The following BRIP1 variants were observed in gnomAD, a reference collection of about 807,000 sequenced individuals.
The protein encoded by BRIP1 is BRCA1 interacting DNA helicase 1, also known as Fanconi anemia group J protein.
BRIP1 carries 88 observed loss-of-function variants against 119.7 expected under a neutral mutation model. The ratio of observed to expected loss-of-function variants is 0.74; its 90% confidence interval spans 0.62 to 0.88. The LOEUF is 0.88. BRIP1 is among the 40% of genes least tolerant of loss of function. The pLI is 0.00. For synonymous variants in BRIP1, 443 were observed against 496.5 expected (o/e 0.89, Z 1.43); for missense variants, 1,259 against 1,455.4 (o/e 0.87, Z 2.20).
At chr17:61,790,940 T>C (rs2077807071) in intron 10 of BRIP1, among the ~76,000 whole-genome samples, 1 of 152,144 alleles carries the variant, frequency 6.6e-6, no homozygotes, top group African/African-American at 2.4e-5. Context: ...TTTACTGTTA[T>C]ATAAGTAGCT....
chr17:61,786,325 G>A (rs2077706617), intron 10 of BRIP1, among the ~76,000 whole-genome samples: 1 of 151,944 alleles, frequency 6.6e-6, no homozygotes, highest in Non-Finnish European at 1.5e-5. Flanking sequence ...CTCCAAAGAA[G>A]CAGAACCCAC....
At position 61,703,487 on chromosome 17, in the gene BRIP1, G is replaced by T. The variant is rs2061647689; in HGVS notation, c.2493-9975C>A. ...TCATGTCCTTTGGCCACTTTTTAAT[G>T]GGGTTGTTTTTTGCTTGTCAATTTA... On this transcript the variant is annotated intron_variant, in intron 17 of 19. Transcript: ENST00000259008. This position sits in a 1 kb window ranked among gnomAD's most constrained non-coding sequence, Gnocchi z 5.0. Among the ~76,000 whole-genome samples, 1 of 152,134 alleles carries T rather than the reference G, an allele frequency of 6.6e-6. No homozygotes were observed.
chr17:61,834,664 T>C lies in BRIP1; in HGVS notation c.627+12437A>G, dbSNP rs1423189922. On this transcript the variant is annotated intron_variant, in intron 6 of 19. Transcript: ENST00000259008. The surrounding 1 kb of genome is among the most constrained non-coding windows in gnomAD (Gnocchi z 4.4). ...ATTAGCAAACCTGACACAAACAGAC[T>C]CAAAAGGCATTTGTACACTGGGGCT... Among the ~76,000 whole-genome samples the C allele has an allele frequency of 6.6e-6, 1 of 152,114 alleles. No homozygotes were observed.
chr17:61,747,806 G>C (rs2077077953), intron 14 of BRIP1, among the ~76,000 whole-genome samples: 1 of 151,856 alleles, frequency 6.6e-6, no homozygotes. Context: ...TGTGATCATA[G>C]TTCACTGTAA....
At chr17:61,800,734 TAAAG>T (rs143454649) in intron 8 of BRIP1, among the ~76,000 whole-genome samples, 4,241 of 152,236 alleles carry the variant, frequency 0.028, 180 homozygotes, top group African/African-American at 0.096. Flanking sequence ...ATTTGGATCT[TAAAG>T]AAATAGAAAG....
intron 14 of BRIP1, among the ~76,000 whole-genome samples, chr17:61,773,957 G>T (rs897541364): frequency 2.0e-5 from 3 of 152,154 alleles, no homozygotes; most frequent in African/African-American, 7.2e-5. Flanking sequence ...AGAGGATGTA[G>T]AGAAACAGGA....
rs1244713687 is a variant in BRIP1 at position 61,823,987 on chromosome 17, G to A, written c.628-15230C>T. Among the ~76,000 whole-genome samples, 3 of 152,118 alleles carry A rather than the reference G, an allele frequency of 2.0e-5. No individual in the cohort carries two copies. Among genetic ancestry groups the A allele is most frequent in the South Asian group, 2.1e-4 (1 of 4,836 alleles). ...TGCCGCCGCACCTGCCTAATTTTTT[G>A]TATTTTTAGTAGACACAGGGTGTCA... On this transcript the variant is annotated intron_variant, in intron 6 of 19. Transcript: ENST00000259008. The surrounding 1 kb of genome is among the most constrained non-coding windows in gnomAD (Gnocchi z 4.8).
rs890996821 is a variant in BRIP1, at chr17:61,693,783, A to T, written c.2493-271T>A. Among the ~76,000 whole-genome samples the T allele has an allele frequency of 3.2e-4, 49 of 152,252 alleles. No homozygotes were observed. Among genetic ancestry groups the T allele is most frequent in the African/African-American group, 1.1e-3 (44 of 41,570 alleles). The stretch of plus-strand genomic sequence containing the variant: ...AAAATTATAGAAAATATATTCTAAG[A>T]TCTTTCTTAGCCACATAGACTGTTT... On this transcript the variant is annotated intron_variant, in intron 17 of 19. Transcript: ENST00000259008. This position sits in a 1 kb window ranked among gnomAD's most constrained non-coding sequence, Gnocchi z 4.2.
In BRIP1 at chr17:61,774,028, C is replaced by T. The variant is rs1022078745; in HGVS notation, c.2097+2373G>A. ...TCAACCATTGTGGAAGACAGTGTGG[C>T]GATTCCTCAAGGATCTAAAACTAGA... On this transcript the variant is annotated intron_variant, in intron 14 of 19. Transcript: ENST00000259008. The surrounding 1 kb of genome is among the most constrained non-coding windows in gnomAD (Gnocchi z 5.8). Among the ~76,000 whole-genome samples the T allele has an allele frequency of 7.2e-5, 11 of 152,070 alleles. No homozygotes were observed. The highest frequency in any genetic ancestry group is 1.7e-4 in the African/African-American group (7 of 41,396).
intron 14 of BRIP1, among the ~76,000 whole-genome samples, chr17:61,766,025 AAATATAGGTATACC>A (rs2077368872): frequency 6.6e-6 from 1 of 152,210 alleles, no homozygotes; most frequent in African/African-American, 2.4e-5. Flanking sequence ...AAGCAAACAT[AAATATAGGTATACC>A]AATATGTAGG....
In BRIP1 at chr17:61,801,402, T is replaced by A. The variant is rs1380876424; in HGVS notation, c.991A>T (p.Met331Leu). Residue 331 changes from methionine (M) to leucine (L), a missense_variant, in exon 8 of 20, where the codon ATG becomes TTG. Met to Leu is a conservative substitution (Grantham distance 15, BLOSUM62 2). This residue lies in a region of BRIP1 where 501 missense variants were observed against 544.0 expected (regional missense o/e 0.92). Coordinates refer to ENST00000259008, the MANE Select transcript of BRIP1 (RefSeq NM_032043.3). ...TCTTCTATATCCCAGGCTTTGCACA[T>A]CCCTTGGAAAGTCTGTAATGTGTGC... ...DQHTLQTFQG[M>L]CKAWDIEELV... 1.2e-6 allele frequency: 2 copies of A among 1,613,850 alleles called. No individual in the cohort carries two copies. The highest frequency in any genetic ancestry group is 1.3e-5 in the African/African-American group (1 of 74,914).
chr17:61,773,887 T>A (rs2077495606), intron 14 of BRIP1, among the ~76,000 whole-genome samples: 1 of 152,130 alleles, frequency 6.6e-6, no homozygotes, highest in Non-Finnish European at 1.5e-5. Flanking sequence ...CACAATGAGA[T>A]ACCATCTCAC....
Position 61,751,540 on chromosome 17 carries a change from A to G in BRIP1, c.2098-6949T>C, listed in dbSNP as rs1355582229. Among the ~76,000 whole-genome samples, 1 of 152,246 alleles carries G rather than the reference A, an allele frequency of 6.6e-6. No individual in the cohort carries two copies. Among genetic ancestry groups the G allele is most frequent in the Non-Finnish European group, 1.5e-5 (1 of 68,046 alleles). Reference sequence around the variant, plus strand: ...AATTGAAAAGAACACACAAATGAATACTATTTAGTAACATAAATAAATGAA... The same window carrying G: ...AATTGAAAAGAACACACAAATGAATGCTATTTAGTAACATAAATAAATGAA... On this transcript the variant is annotated intron_variant, in intron 14 of 19. Coordinates refer to ENST00000259008, the MANE Select transcript of BRIP1 (RefSeq NM_032043.3). The surrounding 1 kb of genome is among the most constrained non-coding windows in gnomAD (Gnocchi z 6.7).
In BRIP1 at chr17:61,803,165, G is replaced by T. The variant is rs1158471942; in HGVS notation, c.919-1691C>A. Among the ~76,000 whole-genome samples, 6 of 151,736 alleles carry T rather than the reference G, an allele frequency of 4.0e-5. No individual in the cohort carries two copies. The highest frequency in any genetic ancestry group is 7.4e-5 in the Non-Finnish European group (5 of 67,942). ...GGTGCAGTGGCACGATCCAATCTTG[G>T]TTCACTGCAACCTCCGCCTCCCAGG... is the stretch of plus-strand genomic sequence containing the variant. On this transcript the variant is annotated intron_variant, in intron 7 of 19. Coordinates refer to ENST00000259008, the MANE Select transcript of BRIP1 (RefSeq NM_032043.3). The surrounding 1 kb of genome is among the most constrained non-coding windows in gnomAD (Gnocchi z 4.3).
Position 61,743,598 on chromosome 17 carries a change from A to G in BRIP1, c.2258-464T>C, listed in dbSNP as rs1475884341. On this transcript the variant is annotated intron_variant, in intron 15 of 19. Coordinates refer to ENST00000259008, the MANE Select transcript of BRIP1 (RefSeq NM_032043.3). The surrounding 1 kb of genome is among the most constrained non-coding windows in gnomAD (Gnocchi z 4.3). The stretch of plus-strand genomic sequence containing the variant: ...CAGAGAACACCATAATATATACACC[A>G]TAAAAAGATACTGATATGTTATATT... Among the ~76,000 whole-genome samples, 1 of 152,196 alleles carries G rather than the reference A, an allele frequency of 6.6e-6. No individual in the cohort carries two copies. Among genetic ancestry groups the G allele is most frequent in the African/African-American group, 2.4e-5 (1 of 41,434 alleles).
rs997214590 is a variant in BRIP1 at position 61,845,390 on chromosome 17, C to T, written c.627+1711G>A. ...TCATTTTGCAATATCATGCACTGGT[C>T]ATTTAAATAATATTTAGTTCGCTGA... On this transcript the variant is annotated intron_variant, in intron 6 of 19. Transcript: ENST00000259008. This position sits in a 1 kb window ranked among gnomAD's most constrained non-coding sequence, Gnocchi z 4.2. 6.6e-6 allele frequency among the ~76,000 whole-genome samples: 1 copy of T among 152,096 alleles called. No individual in the cohort carries two copies. The highest frequency in any genetic ancestry group is 1.5e-5 in the Non-Finnish European group (1 of 68,016).
Position 61,682,819 on chromosome 17 carries a change from T to C in BRIP1, c.*477A>G, listed in dbSNP as rs1030551071. The C allele has an allele frequency of 1.5e-4, 28 of 192,522 alleles. No homozygotes were observed. The South Asian group carries it at 1.8e-3, about 13-fold the overall frequency. The allele number at this position is 192,522 out of a possible 1,614,324, so 11.9% of individuals were successfully genotyped here. ...GAAGACTTATTTGAGGACAGTACTT[T>C]GTATGAATTACTTTATCAAAACTCA... On this transcript the variant is annotated 3_prime_UTR_variant, in exon 20 of 20. Coordinates refer to ENST00000259008, the MANE Select transcript of BRIP1 (RefSeq NM_032043.3). The surrounding 1 kb of genome is among the most constrained non-coding windows in gnomAD (Gnocchi z 4.9).
In BRIP1 at chr17:61,744,076, T is replaced by C. The variant is rs1289632234; in HGVS notation, c.2257+356A>G. 6.6e-6 allele frequency among the ~76,000 whole-genome samples: 1 copy of C among 152,194 alleles called. No individual in the cohort carries two copies. Among genetic ancestry groups the C allele is most frequent in the Non-Finnish European group, 1.5e-5 (1 of 68,034 alleles). ...TTCAAGTTTACCTTATGTAATAGAA[T>C]ACAAGCACCAAGTGTACTAAATGCA... On this transcript the variant is annotated intron_variant, in intron 15 of 19. Coordinates refer to ENST00000259008, the MANE Select transcript of BRIP1 (RefSeq NM_032043.3). This position sits in a 1 kb window ranked among gnomAD's most constrained non-coding sequence, Gnocchi z 5.0.
In BRIP1 at chr17:61,690,335, A is replaced by G. The variant is rs1460258983; in HGVS notation, c.2575+3095T>C. ...ACATAAATAATGTTTAATTCTATAC[A>G]GAAGTTAAAAGACAAAGTATGAAAA... On this transcript the variant is annotated intron_variant, in intron 18 of 19. Transcript: ENST00000259008. This position sits in a 1 kb window ranked among gnomAD's most constrained non-coding sequence, Gnocchi z 5.6. 6.6e-6 allele frequency among the ~76,000 whole-genome samples: 1 copy of G among 152,260 alleles called. No individual in the cohort carries two copies. The highest frequency in any genetic ancestry group is 1.5e-5 in the Non-Finnish European group (1 of 68,044).
Sources: allele counts gnomAD v4.1 joint callset (sites outside exome capture counted in the v4.1 genomes callset), GRCh38; gene constraint gnomAD v4.1.1; regional missense constraint gnomAD v4.1.1; non-coding constraint Gnocchi (gnomAD v3.1); transcripts MANE v1.5; gene names NCBI Gene and HGNC (gene_info 2026-07-23, HGNC 2026-07-21).